Variants in GDNF observed in about 807,000 individuals in gnomAD.
GDNF encodes glial cell derived neurotrophic factor.
GDNF carries 5 observed loss-of-function variants against 13.7 expected under a neutral mutation model. The observed-to-expected ratio is 0.36, with a 90% CI of 0.19 to 0.77. The LOEUF is 0.77. GDNF is among the 30% of genes least tolerant of loss of function. The pLI, the probability that GDNF is intolerant of heterozygous loss-of-function variation, is 0.51. For synonymous variants in GDNF, 122 were observed against 112.5 expected (o/e 1.08, Z -0.53); for missense variants, 246 against 274.3 (o/e 0.90, Z 0.73).
Position 37,826,012 on chromosome 5 carries a change from C to A in GDNF, c.151+8634G>T, listed in dbSNP as rs567679023. Among the ~76,000 whole-genome samples, 200 of 151,886 alleles carry A rather than the reference C, an allele frequency of 1.3e-3. 1 individual carries two copies. Among genetic ancestry groups the A allele is most frequent in the Middle Eastern group, 3.4e-3 (1 of 294 alleles). ...CCAAACCCATTCCCTGATTTTTTTT[C>A]CTTGATGACTTTTTGATGCAGTCAG... On this transcript the variant is annotated intron_variant, in intron 2 of 2. Transcript: ENST00000326524.
chr5:37,818,723 T>C (rs963494290), intron 2 of GDNF, among the ~76,000 whole-genome samples: 1 of 152,176 alleles, frequency 6.6e-6, no homozygotes, highest in African/African-American at 2.4e-5. Context: ...CCTCTCTGCC[T>C]GGACCCTTGG....
rs1455004387 is a variant in GDNF at position 37,816,120 on chromosome 5, T to A, written c.167A>T (p.Asp56Val). ...ALSSDSNMPE[D>V]YPDQFDDVMD... ...GACATCATCGAACTGATCAGGATAA[T>A]CCTCTGGCATATTTGCTGTTCAAAA... is the stretch of plus-strand genomic sequence containing the variant. Residue 56 changes from aspartate (D) to valine (V), a missense_variant, in exon 3 of 3, where the codon GAT (aspartate) becomes GTT (valine). By Grantham distance (152) the Asp-to-Val change is radical. Transcript: ENST00000326524. 6.2e-7 allele frequency: 1 copy of A among 1,613,540 alleles called. No individual in the cohort carries two copies. Among genetic ancestry groups the A allele is most frequent in the African/African-American group, 1.3e-5 (1 of 74,902 alleles).
At chr5:37,823,346 C>A (rs1750205260) in intron 2 of GDNF, 1 of 152,184 alleles carries the variant, frequency 6.6e-6, no homozygotes, top group African/African-American at 2.4e-5. Flanking sequence ...GCTGGTTTCA[C>A]CTGTACACAT....
chr5:37,832,687 T>C (rs934842990), intron 2 of GDNF, among the ~76,000 whole-genome samples: 1 of 152,226 alleles, frequency 6.6e-6, no homozygotes, highest in African/African-American at 2.4e-5. Flanking sequence ...CTCGCTTGCT[T>C]TGTGACTACT....
chr5:37,839,216 A>G lies in GDNF; in HGVS notation c.-27+291T>C, dbSNP rs1360784670. The stretch of plus-strand genomic sequence containing the variant: ...GAAGAGCACCTGGCCGAGTCGGGGA[A>G]GGAAACTGCCCCTCTTGGGCATTCC... On this transcript the variant is annotated intron_variant, in intron 1 of 2. Coordinates refer to ENST00000326524, the MANE Select transcript of GDNF (RefSeq NM_000514.4). This position sits in a 1 kb window ranked among gnomAD's most constrained non-coding sequence, Gnocchi z 5.5. 1.3e-5 allele frequency among the ~76,000 whole-genome samples: 2 copies of G among 152,304 alleles called. No individual in the cohort carries two copies. The highest frequency in any genetic ancestry group is 4.8e-5 in the African/African-American group (2 of 41,576).
At chr5:37,829,737 A>G (rs1291599836) in intron 2 of GDNF, among the ~76,000 whole-genome samples, 1 of 152,354 alleles carries the variant, frequency 6.6e-6, no homozygotes, top group African/African-American at 2.4e-5. Flanking sequence ...CCTGTTGAGT[A>G]CATTGCTCAC....
rs58694811 is a variant in GDNF, at chr5:37,818,563, A to T, written c.152-2428T>A. 2.0e-3 allele frequency among the ~76,000 whole-genome samples: 302 copies of T among 152,308 alleles called. 1 individual carries two copies. The East Asian group carries it at 0.052, about 26-fold the overall frequency. On this transcript the variant is annotated intron_variant, in intron 2 of 2. Transcript: ENST00000326524. ...TATTTCTTCATAGCAGTAAGAAAAC[A>T]GACTAATACAAGGCCCATAGCATCC... is the stretch of plus-strand genomic sequence containing the variant.
At chr5:37,824,465 T>A (rs1329256303) in intron 2 of GDNF, 1 of 152,228 alleles carries the variant, frequency 6.6e-6, no homozygotes, top group Non-Finnish European at 1.5e-5. Context: ...CTGTCAACTC[T>A]TGTTCTTATT....
chr5:37,831,932 T>A (rs1267935904), intron 2 of GDNF, among the ~76,000 whole-genome samples: 2 of 152,242 alleles, frequency 1.3e-5, no homozygotes, highest in Admixed American at 6.5e-5. Context: ...GGCTAGAAGT[T>A]GCTACAGGAG....
chr5:37,819,787 G>C (rs1750064605), intron 2 of GDNF, among the ~76,000 whole-genome samples: 1 of 151,922 alleles, frequency 6.6e-6, no homozygotes, highest in Non-Finnish European at 1.5e-5. Flanking sequence ...CCTTTGTACT[G>C]CTTTCTCACT....
Position 37,838,512 on chromosome 5 carries a change from C to T in GDNF, c.-27+995G>A, listed in dbSNP as rs879377958. On this transcript the variant is annotated intron_variant, in intron 1 of 2. Coordinates refer to ENST00000326524, the MANE Select transcript of GDNF (RefSeq NM_000514.4). The surrounding 1 kb of genome is among the most constrained non-coding windows in gnomAD (Gnocchi z 4.1). ...AGGGGCCGGAAGAGTTGCCTTTGTC[C>T]CCGCCTATGAGCAGAAGGGTCGCGA... Among the ~76,000 whole-genome samples the T allele has an allele frequency of 3.3e-5, 5 of 152,172 alleles. No homozygotes were observed. The highest frequency in any genetic ancestry group is 7.4e-5 in the Non-Finnish European group (5 of 68,020).
chr5:37,831,954 C>A (rs1750535152), intron 2 of GDNF, among the ~76,000 whole-genome samples: 1 of 152,204 alleles, frequency 6.6e-6, no homozygotes, highest in Admixed American at 6.5e-5. Flanking sequence ...CAGTCCTGAG[C>A]CATTTACTTT....
chr5:37,818,090 G>A (rs1581576999), intron 2 of GDNF, among the ~76,000 whole-genome samples: 1 of 152,016 alleles, frequency 6.6e-6, no homozygotes, highest in Non-Finnish European at 1.5e-5. Context: ...CCTCAAACAC[G>A]GGGCTCAGTG....
chr5:37,829,670 G>C (rs1165742636), intron 2 of GDNF, among the ~76,000 whole-genome samples: 1 of 152,210 alleles, frequency 6.6e-6, no homozygotes, highest in Non-Finnish European at 1.5e-5. Context: ...AGATCAAAGA[G>C]ATATTAGGAG....
At chr5:37,826,671 A>T (rs1750326707) in intron 2 of GDNF, among the ~76,000 whole-genome samples, 1 of 152,226 alleles carries the variant, frequency 6.6e-6, no homozygotes, top group African/African-American at 2.4e-5. Flanking sequence ...CTCTGGGGGC[A>T]CAGGAAGACT....
At chr5:37,820,589 A>C (rs1390038981) in intron 2 of GDNF, among the ~76,000 whole-genome samples, 1 of 152,182 alleles carries the variant, frequency 6.6e-6, no homozygotes, top group Non-Finnish European at 1.5e-5. Context: ...ACTTTGAGTG[A>C]TAATGATGTG....
At chr5:37,834,906 C>G in intron 1 of GDNF, 84 bp from the exon 2 acceptor site, 3 of 1,258,650 alleles carry the variant, frequency 2.4e-6, no homozygotes, top group East Asian at 5.0e-5. Context: ...GCGCCCCTCT[C>G]CAACCTCGTC....
chr5:37,836,116 C>T (rs1445737354), intron 1 of GDNF, among the ~76,000 whole-genome samples: 5 of 152,142 alleles, frequency 3.3e-5, no homozygotes, highest in African/African-American at 1.2e-4. Context: ...AGAATCTCCT[C>T]AAGCGGAATC....
intron 2 of GDNF, among the ~76,000 whole-genome samples, chr5:37,832,599 T>C (rs545082993): frequency 1.3e-5 from 2 of 152,352 alleles, no homozygotes; most frequent in Non-Finnish European, 2.9e-5. Flanking sequence ...TGTTCACTGA[T>C]GACACAGCAT....
Sources: gnomAD v4.1 joint callset for allele counts (sites outside exome capture counted in the v4.1 genomes callset) on GRCh38, gnomAD v4.1.1 for gene constraint, Gnocchi (gnomAD v3.1) non-coding constraint, MANE v1.5 for transcripts, NCBI Gene and HGNC (gene_info 2026-07-23, HGNC 2026-07-21) for gene names.